The following GABRB1 variants were observed in gnomAD, a reference collection of about 807,000 sequenced individuals.
The protein encoded by GABRB1 is gamma-aminobutyric acid type A receptor subunit beta1.
GABRB1 carries 17 observed loss-of-function variants against 51.6 expected under a neutral mutation model. The observed-to-expected ratio is 0.33, with a 90% CI of 0.23 to 0.49. The LOEUF (loss-of-function observed/expected upper bound fraction) is 0.49. Among genes scored for constraint, GABRB1 ranks in the 20% least tolerant of loss-of-function variants. The pLI is 0.99. For missense variants in GABRB1, 410 were observed against 600.6 expected, an observed-to-expected ratio of 0.68 and a Z score of 3.32; for synonymous variants, 247 against 218.9, an observed-to-expected ratio of 1.13 and a Z score of -1.14.
chr4:47,021,438 T>C (rs771531530), intron 1 of GABRB1, among the ~76,000 whole-genome samples: 3 of 152,084 alleles, frequency 2.0e-5, no homozygotes, highest in Non-Finnish European at 2.9e-5. Flanking sequence ...ACACAGGAAA[T>C]GCTAAACTAC....
chr4:47,238,681 A>G (rs1220006109), intron 4 of GABRB1, among the ~76,000 whole-genome samples: 2 of 152,196 alleles, frequency 1.3e-5, no homozygotes, highest in African/African-American at 2.4e-5. Context: ...TTCTGTATGA[A>G]AAATTTGAAA....
intron 1 of GABRB1, among the ~76,000 whole-genome samples, chr4:47,009,703 T>G (rs2109438804): frequency 6.6e-6 from 1 of 152,286 alleles, no homozygotes; most frequent in East Asian, 1.9e-4. Context: ...AGTGGAGAAG[T>G]TAATTGGTTG....
At chr4:47,154,913 A>G (rs550719729) in intron 3 of GABRB1, among the ~76,000 whole-genome samples, 2 of 152,206 alleles carry the variant, frequency 1.3e-5, no homozygotes, top group Non-Finnish European at 2.9e-5. Flanking sequence ...ACCTCATAAT[A>G]GCAGTGCAGC....
At chr4:47,392,172 C>T (rs915909826) in intron 5 of GABRB1, among the ~76,000 whole-genome samples, 1 of 151,406 alleles carries the variant, frequency 6.6e-6, no homozygotes, top group Non-Finnish European at 1.5e-5. Context: ...TGCAGTAGAG[C>T]ACAAGTTTGA....
intron 5 of GABRB1, among the ~76,000 whole-genome samples, chr4:47,321,218 T>C (rs1725072721): frequency 6.6e-6 from 1 of 152,172 alleles, no homozygotes. Flanking sequence ...TTTATTTAGA[T>C]AGTCTAAAAT....
chr4:47,230,835 A>G (rs1316733702), intron 4 of GABRB1, among the ~76,000 whole-genome samples: 1 of 152,152 alleles, frequency 6.6e-6, no homozygotes, highest in Non-Finnish European at 1.5e-5. Context: ...AGACCCTCAA[A>G]TAGGTGTCCA....
Position 47,182,655 on chromosome 4 carries a change from C to T in GABRB1, c.461+21186C>T, listed in dbSNP as rs562309923. Among the ~76,000 whole-genome samples, 4 of 152,004 alleles carry T rather than the reference C, an allele frequency of 2.6e-5. No homozygotes were observed. The South Asian group carries it at 8.3e-4, about 32-fold the overall frequency. ...GTTGATGCAAAATGTTAACTTACTT[C>T]TTCTCATCCAAAATCTCTCTGCTGA... On this transcript the variant is annotated intron_variant, in intron 4 of 8. Coordinates refer to ENST00000295454, the MANE Select transcript of GABRB1 (RefSeq NM_000812.4).
chr4:47,385,351 G>A (rs1193685460), intron 5 of GABRB1, among the ~76,000 whole-genome samples: 1 of 152,138 alleles, frequency 6.6e-6, no homozygotes, highest in African/African-American at 2.4e-5. Context: ...GATCTCAGTG[G>A]AAATTAAGAA....
At chr4:47,422,154 A>G (rs1440644550) in intron 8 of GABRB1, among the ~76,000 whole-genome samples, 1 of 151,064 alleles carries the variant, frequency 6.6e-6, no homozygotes, top group Non-Finnish European at 1.5e-5. Flanking sequence ...CCCATTGCTC[A>G]GAAACATTCT....
Position 47,019,549 on chromosome 4 carries a change from T to TTCTCTCTCTCTCTC in GABRB1, c.-19-12350_-19-12337dup, listed in dbSNP as rs142639522. Among the ~76,000 whole-genome samples the TTCTCTCTCTCTCTC allele has an allele frequency of 8.0e-4, 103 of 128,896 alleles. 4 individuals carry two copies. Among genetic ancestry groups the TTCTCTCTCTCTCTC allele is most frequent in the African/African-American group, 2.9e-3 (95 of 33,116 alleles). 84.6% of individuals were successfully genotyped at this position (128,896 alleles called of 152,430 possible). On this transcript the variant is annotated intron_variant, in intron 1 of 3. Coordinates refer to the GABRB1 transcript ENST00000513567. ...AGATAAAGGTGTCAGCAGGTTTAGT[T>TTCTCTCTCTCTCTC]TCTCTCTCTCTCTCTCTCTCTCTCT...
intron 3 of GABRB1, among the ~76,000 whole-genome samples, chr4:47,034,702 A>T (rs189619351): frequency 6.6e-6 from 1 of 152,308 alleles, no homozygotes; most frequent in East Asian, 1.9e-4. Context: ...CAAAACATTG[A>T]AATAAATAGA....
intron 3 of GABRB1, among the ~76,000 whole-genome samples, chr4:47,147,602 T>C (rs1717230166): frequency 6.6e-6 from 1 of 152,142 alleles, no homozygotes. Context: ...CAGGCCATGA[T>C]GACAGCCTAC....
At chr4:47,032,807 A>G (rs1577842205) in intron 3 of GABRB1, 1 of 533,384 alleles carries the variant, frequency 1.9e-6, no homozygotes, top group African/African-American at 1.9e-5. Context: ...TGAGGAGGGC[A>G]CCATCTGCTG....
intron 8 of GABRB1, among the ~76,000 whole-genome samples, chr4:47,425,040 C>G (rs1394752102): frequency 1.3e-5 from 2 of 152,200 alleles, no homozygotes; most frequent in Admixed American, 6.5e-5. Context: ...TCCTTCCAGA[C>G]TTGTCTATAA....
chr4:47,089,778 A>G (rs1479439238), intron 3 of GABRB1, among the ~76,000 whole-genome samples: 2 of 152,120 alleles, frequency 1.3e-5, no homozygotes, highest in African/African-American at 4.8e-5. Flanking sequence ...GTTATCTTTT[A>G]TGCTATTAAA....
intron 4 of GABRB1, among the ~76,000 whole-genome samples, chr4:47,299,279 A>G (rs1724145727): frequency 6.6e-6 from 1 of 152,132 alleles, no homozygotes; most frequent in Non-Finnish European, 1.5e-5. Flanking sequence ...CAGCAAAAGA[A>G]ACTACCATCA....
intron 3 of GABRB1, among the ~76,000 whole-genome samples, chr4:47,034,234 C>T (rs1725457496): frequency 6.6e-6 from 1 of 152,024 alleles, no homozygotes; most frequent in Non-Finnish European, 1.5e-5. Flanking sequence ...ATATATAATT[C>T]TGTTGGCTAT....
At chr4:47,109,169 G>A (rs913127548) in intron 3 of GABRB1, among the ~76,000 whole-genome samples, 1 of 152,080 alleles carries the variant, frequency 6.6e-6, no homozygotes, top group Non-Finnish European at 1.5e-5. Flanking sequence ...AATGTGGTTT[G>A]AAGGATAGCT....
chr4:47,056,654 G>A (rs1726617939), intron 3 of GABRB1, among the ~76,000 whole-genome samples: 1 of 152,008 alleles, frequency 6.6e-6, no homozygotes, highest in Non-Finnish European at 1.5e-5. Flanking sequence ...GAACGTTGCT[G>A]GTCAAAAATT....
Sources: gnomAD v4.1 joint callset for allele counts (sites outside exome capture counted in the v4.1 genomes callset) on GRCh38, gnomAD v4.1.1 for gene constraint, MANE v1.5 for transcripts, NCBI Gene and HGNC (gene_info 2026-07-23, HGNC 2026-07-21) for gene names.